The following SGCD variants were observed in gnomAD, a reference collection of about 807,000 sequenced individuals.
The protein encoded by SGCD is sarcoglycan delta.
A neutral mutation model predicts 36.6 loss-of-function variants in SGCD; 18 were observed. The ratio of observed to expected loss-of-function variants is 0.49; its 90% confidence interval spans 0.34 to 0.73. The LOEUF (loss-of-function observed/expected upper bound fraction) is 0.73. Ranked by LOEUF, SGCD falls within the 30% of genes least tolerant of loss-of-function variation. The pLI, the probability that SGCD is intolerant of heterozygous loss-of-function variation, is 0.01. For missense variants in SGCD, 387 were observed against 346.7 expected (o/e 1.12, Z -0.92); for synonymous variants, 133 against 130.6 (o/e 1.02, Z -0.12).
chr5:156,219,918 A>G (rs1333913449), intron 3 of SGCD, among the ~76,000 whole-genome samples: 2 of 152,180 alleles, frequency 1.3e-5, no homozygotes, highest in Non-Finnish European at 2.9e-5. Context: ...ATTTTGTATT[A>G]GTATTAACAG....
intron 3 of SGCD, among the ~76,000 whole-genome samples, chr5:156,359,879 G>A (rs980912225): frequency 1.3e-5 from 2 of 152,154 alleles, no homozygotes; most frequent in African/African-American, 4.8e-5. Context: ...CATATTGTAT[G>A]AATCACCTAC....
chr5:156,329,043 G>A (rs1040992401), intron 1 of SGCD, among the ~76,000 whole-genome samples: 2 of 152,198 alleles, frequency 1.3e-5, no homozygotes, highest in African/African-American at 4.8e-5. Context: ...GGATTATAAA[G>A]AGCAGTGCTT....
intron 3 of SGCD, among the ~76,000 whole-genome samples, chr5:156,302,582 G>A (rs1352485705): frequency 2.0e-5 from 3 of 152,062 alleles, no homozygotes; most frequent in African/African-American, 4.8e-5. Context: ...GTGGATGTTT[G>A]TTGATATTTG....
At chr5:156,405,164 G>T (rs1309039718) in intron 3 of SGCD, among the ~76,000 whole-genome samples, 4 of 152,106 alleles carry the variant, frequency 2.6e-5, no homozygotes, top group Non-Finnish European at 4.4e-5. Context: ...TGGTCCCCAG[G>T]CACCAACTAA....
intron 3 of SGCD, among the ~76,000 whole-genome samples, chr5:156,190,368 A>T (rs944295880): frequency 1.6e-4 from 25 of 152,130 alleles, no homozygotes; most frequent in African/African-American, 5.8e-4. Flanking sequence ...ACCACCAAAA[A>T]AGGATCTGCC....
upstream of SGCD, among the ~76,000 whole-genome samples, chr5:156,324,984 A>G (rs1044247955): frequency 6.6e-6 from 1 of 152,118 alleles, no homozygotes; most frequent in Non-Finnish European, 1.5e-5. Flanking sequence ...GAACATTGTA[A>G]TTGTTAATAG....
At chr5:156,184,892 T>C (rs1374512790) in intron 3 of SGCD, among the ~76,000 whole-genome samples, 1 of 152,166 alleles carries the variant, frequency 6.6e-6, no homozygotes, top group Non-Finnish European at 1.5e-5. Context: ...AGATTGGGTC[T>C]TGTATATTAT....
At chr5:155,874,142 G>A (rs566641697) in intron 1 of SGCD, among the ~76,000 whole-genome samples, 25 of 152,126 alleles carry the variant, frequency 1.6e-4, no homozygotes, top group Admixed American at 1.4e-3. Flanking sequence ...TCAAAAGAAG[G>A]GGATAGGAGA....
At chr5:156,716,229 C>G (rs1046787985) in intron 7 of SGCD, among the ~76,000 whole-genome samples, 4 of 152,160 alleles carry the variant, frequency 2.6e-5, no homozygotes, top group Admixed American at 6.5e-5. Flanking sequence ...GCATTAAGAT[C>G]TGATATCCAT....
rs185958884 is a variant in SGCD, at chr5:156,110,231, A to G, written c.-281-7647A>G. ...ATGTGTGAGGTGGAGATTATAGGAGAACCTACCTCACAAGTTGTTAGGAGA... is the reference window on the plus strand; with the variant it reads ...ATGTGTGAGGTGGAGATTATAGGAGGACCTACCTCACAAGTTGTTAGGAGA... On this transcript the variant is annotated intron_variant, in intron 1 of 9. Transcript: ENST00000517913. Among the ~76,000 whole-genome samples the G allele has an allele frequency of 5.3e-3, 807 of 152,274 alleles. 4 individuals are homozygous for G. Among genetic ancestry groups the G allele is most frequent in the Admixed American group, 8.1e-3 (124 of 15,290 alleles).
chr5:156,459,125 T>C (rs1387191260), intron 3 of SGCD, among the ~76,000 whole-genome samples: 2 of 152,092 alleles, frequency 1.3e-5, no homozygotes, highest in East Asian at 3.9e-4. Context: ...TAAAGTACTT[T>C]TTTGCCCTTT....
At chr5:156,504,413 T>TATATATATATATATATATAG (rs1756608018) in intron 3 of SGCD, among the ~76,000 whole-genome samples, 1 of 145,874 alleles carries the variant, frequency 6.9e-6, no homozygotes, top group African/African-American at 2.6e-5. Flanking sequence ...TATATATATA[T>TATATATATATATATATATAG]ATATATATAT....
intron 3 of SGCD, among the ~76,000 whole-genome samples, chr5:156,303,747 G>A (rs1360362586): frequency 6.6e-6 from 1 of 151,678 alleles, no homozygotes; most frequent in Non-Finnish European, 1.5e-5. Context: ...GTCTATATAT[G>A]TCATTCAGGA....
the SGCD span, among the ~76,000 whole-genome samples, chr5:155,773,450 G>C: frequency 6.6e-6 from 1 of 152,108 alleles, no homozygotes; most frequent in Non-Finnish European, 1.5e-5. Context: ...AATGTGCTGG[G>C]TTTACAGGTG....
intron 4 of SGCD, among the ~76,000 whole-genome samples, chr5:156,525,542 A>G (rs1757611039): frequency 6.9e-6 from 1 of 145,576 alleles, no homozygotes; most frequent in Admixed American, 6.9e-5. Context: ...CATTTTGTTG[A>G]TTTTTTTTTT....
chr5:156,143,066 C>G (rs1762614861), intron 3 of SGCD, among the ~76,000 whole-genome samples: 1 of 152,182 alleles, frequency 6.6e-6, no homozygotes, highest in Non-Finnish European at 1.5e-5. Context: ...GTTCCATGGG[C>G]CAGTTCCAAG....
At chr5:156,498,378 C>A (rs1004743691) in intron 3 of SGCD, among the ~76,000 whole-genome samples, 1 of 152,000 alleles carries the variant, frequency 6.6e-6, no homozygotes, top group Non-Finnish European at 1.5e-5. Flanking sequence ...GCTACCACCA[C>A]AATCTGATTT....
At chr5:156,452,321 G>A (rs1259563292) in intron 3 of SGCD, among the ~76,000 whole-genome samples, 1 of 152,078 alleles carries the variant, frequency 6.6e-6, no homozygotes, top group Non-Finnish European at 1.5e-5. Context: ...TTTCTGAAGA[G>A]TTTATTTCTT....
chr5:155,866,331 G>A (rs1307108471), upstream of SGCD, among the ~76,000 whole-genome samples: 2 of 152,130 alleles, frequency 1.3e-5, no homozygotes, highest in Non-Finnish European at 2.9e-5. Context: ...TCAGGCTGAG[G>A]TGTCAGCAGT....
Sources: gnomAD v4.1 joint callset for allele counts (sites outside exome capture counted in the v4.1 genomes callset) on GRCh38, gnomAD v4.1.1 for gene constraint, MANE v1.5 for transcripts, NCBI Gene and HGNC (gene_info 2026-07-23, HGNC 2026-07-21) for gene names.